Variants in DACH2 observed in about 807,000 individuals in gnomAD.
DACH2 encodes the protein dachshund family transcription factor 2, also known as dachshund homolog 2.
A neutral mutation model predicts 35.8 loss-of-function variants in DACH2; 17 were observed. That is an observed-to-expected ratio of 0.48 (90% CI 0.33 to 0.71). The LOEUF is 0.71. DACH2 is among the 30% of genes least tolerant of loss of function. The probability of loss-of-function intolerance (pLI) is 0.02; values close to 1 mark genes in which losing one functional copy is unlikely to be tolerated. For synonymous variants in DACH2, 195 were observed against 177.3 expected (o/e 1.10, Z -0.79); for missense variants, 469 against 472.7 (o/e 0.99, Z 0.07).
intron 5 of DACH2, among the ~76,000 whole-genome samples, chrX:86,700,697 A>AG (rs397769503): frequency 7.5e-4 from 83 of 110,574 alleles, no homozygotes; most frequent in Non-Finnish European, 1.3e-3. Flanking sequence ...TACAAAAAAA[A>AG]TCCTCAGAGA....
At chrX:86,612,475 G>C (rs965897094) in intron 3 of DACH2, among the ~76,000 whole-genome samples, 2 of 111,334 alleles carry the variant, frequency 1.8e-5, no homozygotes, top group African/African-American at 6.5e-5. Context: ...CAGAACCCCA[G>C]AGCAATTTAG....
At chrX:86,769,235 G>T (rs1464966255) in intron 7 of DACH2, among the ~76,000 whole-genome samples, 1 of 111,528 alleles carries the variant, frequency 9.0e-6, no homozygotes, top group Non-Finnish European at 1.9e-5. Context: ...AACCAACAAG[G>T]TAGAAGATCT....
chrX:86,451,469 C>A (rs1452676094), intron 2 of DACH2, among the ~76,000 whole-genome samples: 2 of 111,128 alleles, frequency 1.8e-5, no homozygotes, highest in Non-Finnish European at 3.8e-5. Context: ...AGGCTTGTAG[C>A]ATAGTTTGAA....
At chrX:86,632,345 C>A (rs762363655) in intron 3 of DACH2, among the ~76,000 whole-genome samples, 6 of 111,109 alleles carry the variant, frequency 5.4e-5, no homozygotes, top group African/African-American at 2.0e-4. Context: ...CACTTTTCCA[C>A]TCTAGACTTA....
intron 7 of DACH2, among the ~76,000 whole-genome samples, chrX:86,763,594 C>T (rs1297563135): frequency 9.0e-6 from 1 of 111,585 alleles, no homozygotes; most frequent in Non-Finnish European, 1.9e-5. Context: ...GCTGGGACTA[C>T]AGGCTCCCGC....
chrX:86,796,214 T>G (rs2042236937), intron 7 of DACH2, among the ~76,000 whole-genome samples: 1 of 111,852 alleles, frequency 8.9e-6, no homozygotes, highest in East Asian at 2.8e-4. Flanking sequence ...GAGCGCTGAC[T>G]GGTGCGTTTT....
At chrX:86,769,234 G>C (rs1429739588) in intron 7 of DACH2, among the ~76,000 whole-genome samples, 1 of 111,544 alleles carries the variant, frequency 9.0e-6, no homozygotes, top group African/African-American at 3.3e-5. Flanking sequence ...TAACCAACAA[G>C]GTAGAAGATC....
intron 1 of DACH2, among the ~76,000 whole-genome samples, chrX:86,239,687 G>A (rs187657397): frequency 9.0e-6 from 1 of 111,727 alleles, no homozygotes; most frequent in East Asian, 2.8e-4. Flanking sequence ...GTATCTTTTG[G>A]TACACATATG....
rs188512330 is a variant in DACH2, at chrX:86,400,285, G to A, written c.527+23423G>A. 3.7e-5 allele frequency among the ~76,000 whole-genome samples: 4 copies of A among 109,142 alleles called. No homozygotes were observed. The Admixed American group carries it at 3.9e-4, about 11-fold the overall frequency. 94.8% of individuals were successfully genotyped at this position (109,142 alleles called of 115,157 possible). On this transcript the variant is annotated intron_variant, in intron 2 of 11. Transcript: ENST00000373125. ...GTTATTCTAGTTATCCATTCGTCTAGTTTTTTTTTCAAAGTTTTTAACTTT... is the reference window on the plus strand; with the variant it reads ...GTTATTCTAGTTATCCATTCGTCTAATTTTTTTTTCAAAGTTTTTAACTTT...
intron 6 of DACH2, among the ~76,000 whole-genome samples, chrX:86,733,561 G>A (rs2041557489): frequency 9.0e-6 from 1 of 111,671 alleles, no homozygotes; most frequent in African/African-American, 3.2e-5. Context: ...ACAAAAATAG[G>A]TAAAATACCT....
chrX:86,548,238 T>G (rs1335385079), intron 3 of DACH2, among the ~76,000 whole-genome samples: 1 of 111,850 alleles, frequency 8.9e-6, no homozygotes, highest in Non-Finnish European at 1.9e-5. Flanking sequence ...TATTTTAGAT[T>G]TCCAATTCAT....
At chrX:86,700,448 G>T (rs2041128339) in intron 5 of DACH2, among the ~76,000 whole-genome samples, 1 of 109,983 alleles carries the variant, frequency 9.1e-6, no homozygotes, top group Admixed American at 9.8e-5. Context: ...CCTCTGTTGG[G>T]TGCATATTTA....
At chrX:86,434,240 G>A (rs943209133) in intron 2 of DACH2, among the ~76,000 whole-genome samples, 8 of 111,401 alleles carry the variant, frequency 7.2e-5, no homozygotes, top group African/African-American at 2.0e-4. Flanking sequence ...TGTTTATGGA[G>A]TACATGAGAT....
intron 3 of DACH2, among the ~76,000 whole-genome samples, chrX:86,546,374 C>CTTCTTCTTCTTCTTCTTCTTT: frequency 1.5e-5 from 1 of 67,219 alleles, no homozygotes; most frequent in Non-Finnish European, 2.5e-5. Context: ...TCTTCTTCTT[C>CTTCTTCTTCTTCTTCTTCTTT]TTCTTCTTCT....
At chrX:86,285,532 T>C (rs2034126661) in intron 1 of DACH2, among the ~76,000 whole-genome samples, 1 of 112,124 alleles carries the variant, frequency 8.9e-6, no homozygotes, top group Non-Finnish European at 1.9e-5. Flanking sequence ...AGATGCGTGG[T>C]ATTATTTCAA....
chrX:86,480,957 G>T (rs754120946), intron 2 of DACH2: 12 of 111,911 alleles, frequency 1.1e-4, no homozygotes, highest in Non-Finnish European at 1.9e-4. Context: ...ATAAACATGG[G>T]AGATATTCTT....
At chrX:86,564,890 A>G (rs2039274947) in intron 3 of DACH2, among the ~76,000 whole-genome samples, 1 of 111,173 alleles carries the variant, frequency 9.0e-6, no homozygotes, top group African/African-American at 3.3e-5. Flanking sequence ...TTCCTTCCCT[A>G]CTACCACTGT....
chrX:86,281,070 C>T (rs1041961601), intron 1 of DACH2, among the ~76,000 whole-genome samples: 6 of 111,207 alleles, frequency 5.4e-5, no homozygotes, highest in African/African-American at 2.0e-4. Context: ...GATATTCAGG[C>T]CTTGAACTCA....
rs867337338 is a variant in DACH2, at chrX:86,814,768, C to T, written c.1618C>T (p.Arg540Trp). 3.3e-6 allele frequency: 4 copies of T among 1,210,826 alleles called. No individual in the cohort carries two copies. Among genetic ancestry groups the T allele is most frequent in the East Asian group, 5.9e-5 (2 of 33,800 alleles). ...AGCCTTGGAATTTGAATCAAAGCGC[C>T]GGGAGCAAGTGGAGCAGGCACTTAA... ...QEALEFESKR[R>W]EQVEQALKQA... The change falls in exon 10 of 12, where the codon CGG becomes TGG. Residue 540 changes from arginine (R) to tryptophan (W), a missense_variant. This residue lies in a region of DACH2 where 363 missense variants were observed against 334.4 expected (regional missense o/e 1.09). Transcript: ENST00000373125.
Sources: allele counts gnomAD v4.1 joint callset (sites outside exome capture counted in the v4.1 genomes callset), GRCh38; gene constraint gnomAD v4.1.1; regional missense constraint gnomAD v4.1.1; transcripts MANE v1.5; gene names NCBI Gene and HGNC (gene_info 2026-07-23, HGNC 2026-07-21).